Variants in MTAP observed in about 807,000 individuals in gnomAD.
MTAP encodes the protein S-methyl-5'-thioadenosine phosphorylase.
Under a neutral mutation model 33.6 loss-of-function variants are expected in MTAP, and 33 were observed. The observed-to-expected ratio is 0.98, with a 90% CI of 0.74 to 1.31. The LOEUF (loss-of-function observed/expected upper bound fraction) is 1.31, where lower values mean the gene tolerates loss of function less well. Among genes scored for constraint, MTAP ranks in the 40% most tolerant of loss-of-function variants. MTAP has a pLI of 0.00. For synonymous variants in MTAP, 148 were observed against 125.7 expected (o/e 1.18, Z -1.19); for missense variants, 367 against 360.0 (o/e 1.02, Z -0.16).
chr9:21,919,430 A>G (rs983012279), intron 1 of MTAP, among the ~76,000 whole-genome samples: 3 of 152,088 alleles, frequency 2.0e-5, no homozygotes, highest in Non-Finnish European at 4.4e-5. Context: ...TTCTTTTTCT[A>G]TAAAAGGAGC....
At position 21,837,858 on chromosome 9, in the gene MTAP, G is replaced by T. The variant is rs1825147793; in HGVS notation, c.348-50G>T. ...CTCACCAGCCCTCGGAGGATGGAAAGATGGCCTTAAAATAAAACAAACAAA... is the reference window on the plus strand; with the variant it reads ...CTCACCAGCCCTCGGAGGATGGAAATATGGCCTTAAAATAAAACAAACAAA... On this transcript the variant is annotated intron_variant, in intron 4 of 7. Coordinates refer to ENST00000644715, the MANE Select transcript of MTAP (RefSeq NM_002451.4). 4 of 1,502,380 alleles carry T rather than the reference G, an allele frequency of 2.7e-6. No homozygotes were observed. In the East Asian group the frequency reaches 9.1e-5, roughly 34 times the overall value. The allele number at this position is 1,502,380 out of a possible 1,614,324, so 93.1% of individuals were successfully genotyped here.
intron 1 of MTAP, among the ~76,000 whole-genome samples, chr9:21,928,138 G>A (rs1406842751): frequency 6.6e-6 from 1 of 152,178 alleles, no homozygotes; most frequent in Admixed American, 6.5e-5. Context: ...TGGGTATAAA[G>A]AAGAAACCAA....
chr9:21,907,466 A>C (rs1375302128), intron 1 of MTAP, among the ~76,000 whole-genome samples: 1 of 152,220 alleles, frequency 6.6e-6, no homozygotes, highest in Non-Finnish European at 1.5e-5. Context: ...CTGAAGCGAG[A>C]GGATGGCTTG....
chr9:21,879,252 A>G (rs922891873), intron 1 of MTAP, among the ~76,000 whole-genome samples: 3 of 152,168 alleles, frequency 2.0e-5, no homozygotes, highest in African/African-American at 7.2e-5. Flanking sequence ...GGGTGCATAT[A>G]TATTTAGTAT....
intron 4 of MTAP, among the ~76,000 whole-genome samples, chr9:21,819,583 T>G (rs1218879980): frequency 6.6e-6 from 1 of 152,222 alleles, no homozygotes; most frequent in Non-Finnish European, 1.5e-5. Context: ...CTATTGTGAA[T>G]AGTGCCGCAA....
At chr9:21,880,283 G>C (rs748861417) in intron 1 of MTAP, among the ~76,000 whole-genome samples, 1 of 152,082 alleles carries the variant, frequency 6.6e-6, no homozygotes, top group Non-Finnish European at 1.5e-5. Flanking sequence ...GCCCTCACCA[G>C]ATGCCAGTGC....
At chr9:21,891,550 G>T (rs545968305) in intron 1 of MTAP, among the ~76,000 whole-genome samples, 1 of 152,282 alleles carries the variant, frequency 6.6e-6, no homozygotes, top group Admixed American at 6.5e-5. Context: ...CTCAGAGCTT[G>T]AAGACCAGTT....
intron 2 of MTAP, among the ~76,000 whole-genome samples, 199 bp from the exon 3 acceptor site, chr9:21,816,515 A>C (rs1402937328): frequency 6.6e-6 from 1 of 152,214 alleles, no homozygotes; most frequent in East Asian, 1.9e-4. Flanking sequence ...GGTAACCTTG[A>C]GTCCTGTGAA....
At chr9:21,837,543 A>T (rs541664901) in intron 4 of MTAP, among the ~76,000 whole-genome samples, 1 of 152,216 alleles carries the variant, frequency 6.6e-6, no homozygotes, top group East Asian at 1.9e-4. Context: ...GGTGTTAAGT[A>T]TATGATTTTC....
downstream of MTAP, among the ~76,000 whole-genome samples, chr9:21,940,084 C>A (rs1416630758): frequency 3.3e-5 from 5 of 152,122 alleles, no homozygotes. Context: ...AGTTTGAAAC[C>A]AAGCCTGGCC....
intron 1 of MTAP, among the ~76,000 whole-genome samples, chr9:21,916,111 G>A (rs551923383): frequency 4.8e-4 from 72 of 149,568 alleles, no homozygotes; most frequent in Non-Finnish European, 8.2e-4. Context: ...AAGGAAGGAA[G>A]GAAGGAAGGA....
At chr9:21,814,126 G>A (rs1721813777) in intron 1 of MTAP, among the ~76,000 whole-genome samples, 1 of 152,158 alleles carries the variant, frequency 6.6e-6, no homozygotes, top group South Asian at 2.1e-4. Flanking sequence ...CCATGTCATG[G>A]GAAACAGGCA....
chr9:21,902,874 T>C (rs2118809836), intron 1 of MTAP, among the ~76,000 whole-genome samples: 1 of 152,244 alleles, frequency 6.6e-6, no homozygotes, highest in African/African-American at 2.4e-5. Context: ...ATGATTAAGG[T>C]AAGAACAGAA....
intron 4 of MTAP, among the ~76,000 whole-genome samples, chr9:21,834,160 A>G (rs1001900788): frequency 1.3e-5 from 2 of 152,248 alleles, no homozygotes; most frequent in South Asian, 2.1e-4. Flanking sequence ...TGATAGTGAC[A>G]AGTGCCAAGC....
chr9:21,813,126 G>A (rs1824392655), intron 1 of MTAP, among the ~76,000 whole-genome samples: 1 of 152,194 alleles, frequency 6.6e-6, no homozygotes, highest in African/African-American at 2.4e-5. Context: ...CAGTGCTTGG[G>A]TACTTCATCC....
chr9:21,918,116 C>T (rs1165675369), intron 1 of MTAP, among the ~76,000 whole-genome samples: 1 of 129,134 alleles, frequency 7.7e-6, no homozygotes, highest in Admixed American at 7.5e-5. Flanking sequence ...TTTGGGAGGC[C>T]GAGGCGGGCG....
chr9:21,894,226 A>AC (rs542497376), intron 1 of MTAP, among the ~76,000 whole-genome samples: 198 of 148,820 alleles, frequency 1.3e-3, no homozygotes, highest in Middle Eastern at 3.5e-3. Context: ...AAAAAAAAAA[A>AC]AAAACTAGGT....
intron 1 of MTAP, among the ~76,000 whole-genome samples, chr9:21,882,196 G>A (rs773809000): frequency 5.3e-5 from 8 of 151,746 alleles, no homozygotes; most frequent in African/African-American, 9.7e-5. Context: ...AAAAATTAAA[G>A]TGGATTGAAA....
chr9:21,832,783 C>T (rs192581598), intron 4 of MTAP, among the ~76,000 whole-genome samples: 2 of 152,172 alleles, frequency 1.3e-5, no homozygotes, highest in African/African-American at 4.8e-5. Flanking sequence ...CAGTTAATCC[C>T]ACTTACGGCA....
Sources: gnomAD v4.1 joint callset for allele counts (sites outside exome capture counted in the v4.1 genomes callset) on GRCh38, gnomAD v4.1.1 for gene constraint, MANE v1.5 for transcripts, NCBI Gene and HGNC (gene_info 2026-07-23, HGNC 2026-07-21) for gene names.